The following SMU1 variants were observed in gnomAD, a reference collection of about 807,000 sequenced individuals.
The protein encoded by SMU1 is SMU1 DNA replication regulator and spliceosomal factor.
Under a neutral mutation model 62.0 loss-of-function variants are expected in SMU1, and 2 were observed. The ratio of observed to expected loss-of-function variants is 0.03; its 90% confidence interval spans 0.01 to 0.10. The LOEUF is 0.10. Ranked by LOEUF, SMU1 falls within the 10% of genes least tolerant of loss-of-function variation. The pLI, the probability that SMU1 is intolerant of heterozygous loss-of-function variation, is 1.00. For synonymous variants in SMU1, 188 were observed against 212.4 expected (o/e 0.89, Z 1.00); for missense variants, 227 against 622.1 (o/e 0.36, Z 6.76).
chr9:33,048,002 C>T (rs1839204933), intron 11 of SMU1, 104 bp downstream of exon 11: 2 of 1,010,842 alleles, frequency 2.0e-6, no homozygotes, highest in African/African-American at 1.6e-5. Context: ...ATATTTTATA[C>T]TGAGGGTCAC....
chr9:33,076,634 C>G lies in SMU1; in HGVS notation c.-26G>C, dbSNP rs761575062. On this transcript the variant is annotated 5_prime_UTR_variant, in exon 1 of 12. Transcript: ENST00000397149. Reference sequence around the variant, plus strand: ...AGCCGTATCTCTCCGGGAGCAGGCCCCAGCTCTCCCTCAAGGCCAGTCGCG... The same window carrying G: ...AGCCGTATCTCTCCGGGAGCAGGCCGCAGCTCTCCCTCAAGGCCAGTCGCG... 1.9e-6 allele frequency: 3 copies of G among 1,613,820 alleles called. No homozygotes were observed. Among genetic ancestry groups the G allele is most frequent in the South Asian group, 2.2e-5 (2 of 91,080 alleles).
rs1303804225 is a variant in SMU1 at position 33,042,486 on chromosome 9, G to A, written c.*4807C>T. ...GCCCATTCATACTTGTAGGGAATAG[G>A]AGTAGAGGCCAATTATGTCGCTTGA... On this transcript the variant is annotated 3_prime_UTR_variant, in exon 12 of 12. Coordinates refer to ENST00000397149, the MANE Select transcript of SMU1 (RefSeq NM_018225.3). 6.6e-6 allele frequency: 1 copy of A among 152,350 alleles called. No homozygotes were observed. The highest frequency in any genetic ancestry group is 2.4e-5 in the African/African-American group (1 of 41,444). 9.4% of individuals were successfully genotyped at this position (152,350 alleles called of 1,614,324 possible). A position where few individuals can be genotyped will look rare whatever the true frequency, so the allele number is the denominator to read the frequency against.
chr9:33,056,062 G>T (rs748545737), intron 9 of SMU1, 51 bp downstream of exon 9: 1 of 1,555,866 alleles, frequency 6.4e-7, no homozygotes, highest in African/African-American at 1.4e-5. Context: ...ACTCCTCAAA[G>T]GACAAAGATG....
intron 3 of SMU1, among the ~76,000 whole-genome samples, chr9:33,071,354 G>A (rs1343535194): frequency 3.3e-5 from 5 of 152,050 alleles, no homozygotes; most frequent in Admixed American, 6.6e-5. Context: ...AGCTTCTAGG[G>A]ACTAAAAAGG....
At chr9:33,052,751 A>T (rs902507456) in intron 10 of SMU1, among the ~76,000 whole-genome samples, 6 of 152,220 alleles carry the variant, frequency 3.9e-5, no homozygotes, top group African/African-American at 1.4e-4. Flanking sequence ...GTTCCACTTT[A>T]GATCGTGGTA....
intron 3 of SMU1, among the ~76,000 whole-genome samples, chr9:33,069,937 C>T (rs1489552358): frequency 6.6e-6 from 1 of 152,192 alleles, no homozygotes; most frequent in East Asian, 1.9e-4. Flanking sequence ...ACCAACCTGG[C>T]CAACATGGCG....
chr9:33,060,497 C>G lies in SMU1; in HGVS notation c.718G>C (p.Val240Leu), dbSNP rs752613555. 14 of 1,609,942 alleles carry G rather than the reference C, an allele frequency of 8.7e-6. No homozygotes were observed. Among genetic ancestry groups the G allele is most frequent in the Non-Finnish European group, 1.2e-5 (14 of 1,179,168 alleles). Reference protein sequence around the residue: ...VTGSVDGFIEVWNFTTGKIRK... With the variant: ...VTGSVDGFIELWNFTTGKIRK... ...ATTTTTCCAGTAGTAAAGTTCCATA[C>G]TTCAATGAATCCATCAACAGACCCA... The change falls in exon 6 of 12, where the codon GTA (valine) becomes CTA (leucine). Residue 240 changes from valine to leucine, a missense_variant. Physicochemically the swap from Val to Leu is conservative, Grantham distance 32. Coordinates refer to ENST00000397149, the MANE Select transcript of SMU1 (RefSeq NM_018225.3).
At chr9:33,061,144 A>G (rs779415977) in intron 5 of SMU1, among the ~76,000 whole-genome samples, 2 of 152,216 alleles carry the variant, frequency 1.3e-5, no homozygotes, top group Non-Finnish European at 2.9e-5. Flanking sequence ...ATGCATTCTG[A>G]GCATTTGCTA....
intron 7 of SMU1, among the ~76,000 whole-genome samples, chr9:33,057,349 G>A (rs1028592964): frequency 6.6e-6 from 1 of 152,140 alleles, no homozygotes; most frequent in Non-Finnish European, 1.5e-5. Flanking sequence ...TGGTACAATA[G>A]AAAGGGCATA....
intron 6 of SMU1, among the ~76,000 whole-genome samples, chr9:33,059,675 G>A (rs1234311209): frequency 2.1e-5 from 3 of 144,816 alleles, no homozygotes; most frequent in South Asian, 2.4e-4. Context: ...GCATGATCTC[G>A]GCTCACTGCA....
intron 4 of SMU1, among the ~76,000 whole-genome samples, chr9:33,067,520 T>G (rs1235269040): frequency 6.9e-6 from 1 of 145,742 alleles, no homozygotes; most frequent in Non-Finnish European, 1.5e-5. Context: ...TTTTTTGAGA[T>G]GAAGTCTCGC....
At chr9:33,056,988 AT>A (rs762007232) in intron 7 of SMU1, 24 bp from the exon 8 acceptor site, 7 of 1,591,970 alleles carry the variant, frequency 4.4e-6, no homozygotes, top group Non-Finnish European at 6.0e-6. Flanking sequence ...AAAAAAAAGA[AT>A]TAAAAAAACC....
chr9:33,070,721 T>G (rs1839476469), intron 3 of SMU1, among the ~76,000 whole-genome samples: 1 of 152,244 alleles, frequency 6.6e-6, no homozygotes, highest in South Asian at 2.1e-4. Context: ...TCCTGTCATT[T>G]GCAACAACAT....
At chr9:33,074,481 G>C (rs1259561957) in intron 1 of SMU1, among the ~76,000 whole-genome samples, 2 of 152,038 alleles carry the variant, frequency 1.3e-5, no homozygotes, top group Admixed American at 6.5e-5. Flanking sequence ...ATGATAGTGT[G>C]TGCTTGTGGT....
rs1839139601 is a variant in SMU1, at chr9:33,042,711, C to T, written c.*4582G>A. 6.6e-6 allele frequency: 1 copy of T among 152,204 alleles called. No homozygotes were observed. The highest frequency in any genetic ancestry group is 2.1e-4 in the South Asian group (1 of 4,834). The allele number at this position is 152,204 out of a possible 1,614,324, so 9.4% of individuals were successfully genotyped here. A position where few individuals can be genotyped will look rare whatever the true frequency, so the allele number is the denominator to read the frequency against. ...TAAGCATCAAAATGATTATGCGCAG[C>T]CAAGGTTGAAAGCCACCAACACTGA... On this transcript the variant is annotated 3_prime_UTR_variant, in exon 12 of 12. Transcript: ENST00000397149.
chr9:33,072,295 C>T lies in SMU1; in HGVS notation c.238-403G>A, dbSNP rs552585485. Among the ~76,000 whole-genome samples, 166 of 151,876 alleles carry T rather than the reference C, an allele frequency of 1.1e-3. 3 individuals are homozygous for T. Among genetic ancestry groups the T allele is most frequent in the African/African-American group, 3.8e-3 (158 of 41,388 alleles). Reference sequence around the variant, plus strand: ...GAGAGTGCAGTGAGCCAAGCTCATGCTACTGTACTCTGGCCTGGGCGACAG... The same window carrying T: ...GAGAGTGCAGTGAGCCAAGCTCATGTTACTGTACTCTGGCCTGGGCGACAG... On this transcript the variant is annotated intron_variant, in intron 2 of 11. Transcript: ENST00000397149.
At chr9:33,064,312 C>T (rs911734343) in intron 4 of SMU1, among the ~76,000 whole-genome samples, 5 of 152,050 alleles carry the variant, frequency 3.3e-5, no homozygotes, top group African/African-American at 1.2e-4. Context: ...ATCTGTTTAC[C>T]TTTTCCTTGG....
Position 33,063,652 on chromosome 9 carries a change from G to A in SMU1, c.502-1475C>T, listed in dbSNP as rs148384025. 4.6e-3 allele frequency among the ~76,000 whole-genome samples: 695 copies of A among 152,068 alleles called. 6 individuals are homozygous for A. The highest frequency in any genetic ancestry group is 0.015 in the African/African-American group (634 of 41,478). On this transcript the variant is annotated intron_variant, in intron 4 of 11. Transcript: ENST00000397149. ...GAGCTCCACCTCCTGTCAGATCTGC[G>A]CAGCATTAGATTCTCATAGGAGCAT...
chr9:33,056,375 A>G, intron 8 of SMU1, 136 bp from the exon 9 acceptor site: 1 of 872,966 alleles, frequency 1.1e-6, no homozygotes, highest in Admixed American at 3.2e-5. Context: ...GTGATTGTGT[A>G]TACGGTGTAA....
Sources: gnomAD v4.1 joint callset for allele counts (sites outside exome capture counted in the v4.1 genomes callset) on GRCh38, gnomAD v4.1.1 for gene constraint, MANE v1.5 for transcripts, NCBI Gene and HGNC (gene_info 2026-07-23, HGNC 2026-07-21) for gene names.